Variants in ANAPC16 observed in about 807,000 individuals in gnomAD.
The protein encoded by ANAPC16 is anaphase promoting complex subunit 16.
ANAPC16 carries 6 observed loss-of-function variants against 13.1 expected under a neutral mutation model. The ratio of observed to expected loss-of-function variants is 0.46; its 90% CI spans 0.25 to 0.90. ANAPC16 has a LOEUF of 0.90. Ranked by LOEUF, ANAPC16 falls within the 40% of genes least tolerant of loss-of-function variation. ANAPC16 has a pLI of 0.18. For missense variants in ANAPC16, 113 were observed against 131.1 expected (o/e 0.86, Z 0.67); for synonymous variants, 55 against 51.3 (o/e 1.07, Z -0.31).
chr10:72,221,726 ATTTTT>A (rs58310763), intron 1 of ANAPC16, among the ~76,000 whole-genome samples: 8 of 101,072 alleles, frequency 7.9e-5, no homozygotes, highest in Non-Finnish European at 1.7e-4. Context: ...ACCCAGCTAA[ATTTTT>A]TTTTTTTTTT....
rs147994305 is a variant in ANAPC16 at position 72,230,480 on chromosome 10, A to C, written c.217+40A>C. On this transcript the variant is annotated intron_variant, in intron 3 of 3. Transcript: ENST00000299381. ...GTTGCGTACTTGACTGTGAGAATAA[A>C]TTTGCTAGGGGGTGGATGAGGCTGT... 5.7e-6 allele frequency: 9 copies of C among 1,565,466 alleles called. No individual in the cohort carries two copies. The African/African-American group carries it at 1.2e-4, about 21-fold the overall frequency.
chr10:72,223,801 G>A, intron 1 of ANAPC16, 87 bp from the exon 2 acceptor site: 2 of 1,087,648 alleles, frequency 1.8e-6, no homozygotes, highest in Non-Finnish European at 2.6e-6. Context: ...TTACAAAACT[G>A]TATGCTGGCC....
intron 2 of ANAPC16, among the ~76,000 whole-genome samples, chr10:72,228,533 T>A (rs2133686650): frequency 6.6e-6 from 1 of 152,354 alleles, no homozygotes; most frequent in East Asian, 1.9e-4. Flanking sequence ...TGACCTGTGC[T>A]TGTCCCTGAC....
rs1397912242 is a variant in ANAPC16, at chr10:72,223,941, A to G, written c.27A>G (p.Ser9=). The G allele has an allele frequency of 3.8e-5, 61 of 1,607,688 alleles. No individual in the cohort carries two copies. Among genetic ancestry groups the G allele is most frequent in the Non-Finnish European group, 4.9e-5 (58 of 1,175,206 alleles). ...TGGCTGCTTCATCATCATCCTCCTC[A>G]GCTGGTGGGGTCAGTGGAAGTTCTG... The part of the protein sequence containing the change: MAASSSSS[S]AGGVSGSSVT... The change falls in exon 2 of 4, where the codon TCA becomes TCG. Residue 9 remains serine, a synonymous_variant. Coordinates refer to ENST00000299381, the MANE Select transcript of ANAPC16 (RefSeq NM_173473.4).
chr10:72,222,654 G>C (rs938387261), intron 1 of ANAPC16, among the ~76,000 whole-genome samples: 1 of 152,084 alleles, frequency 6.6e-6, no homozygotes, highest in African/African-American at 2.4e-5. Context: ...GCTCATGCCT[G>C]TAATTCCAGC....
At chr10:72,218,771 C>T (rs1041840994) in intron 1 of ANAPC16, among the ~76,000 whole-genome samples, 5 of 152,196 alleles carry the variant, frequency 3.3e-5, no homozygotes, top group African/African-American at 1.2e-4. Flanking sequence ...TAACCTAAAT[C>T]TTTAGAGCTA....
intron 2 of ANAPC16, among the ~76,000 whole-genome samples, chr10:72,224,373 G>A (rs895205961): frequency 6.6e-5 from 10 of 152,172 alleles, no homozygotes; most frequent in African/African-American, 1.9e-4. Flanking sequence ...AGCACTTTGG[G>A]AGACTGAGGC....
chr10:72,229,103 A>G (rs1223368796), intron 2 of ANAPC16, among the ~76,000 whole-genome samples: 1 of 151,942 alleles, frequency 6.6e-6, no homozygotes, highest in Non-Finnish European at 1.5e-5. Context: ...TAGGATAATG[A>G]CTGCTGACAT....
chr10:72,231,807 G>A (rs1413420176), intron 3 of ANAPC16, among the ~76,000 whole-genome samples: 1 of 151,858 alleles, frequency 6.6e-6, no homozygotes, highest in Non-Finnish European at 1.5e-5. Context: ...CGCCTGCCTT[G>A]GCATCCCAAA....
At chr10:72,218,159 AAAAAAAATATATAT>A (rs1362858036) in intron 1 of ANAPC16, among the ~76,000 whole-genome samples, 48 of 45,696 alleles carry the variant, frequency 1.1e-3, no homozygotes, top group Non-Finnish European at 1.5e-3. Context: ...AAAAAAAAAA[AAAAAAAATATATAT>A]ATATATATAT....
At chr10:72,217,045 GT>G in intron 1 of ANAPC16, 1 of 454,246 alleles carries the variant, frequency 2.2e-6, no homozygotes, top group Non-Finnish European at 4.4e-6. Context: ...TCTGTCGTTT[GT>G]TCATCATTCA....
chr10:72,230,334 C>G, intron 2 of ANAPC16, 32 bp from the exon 3 acceptor site: 1 of 1,562,610 alleles, frequency 6.4e-7, no homozygotes, highest in South Asian at 1.1e-5. Flanking sequence ...ACCTTTAGAG[C>G]AGATTAAAAC....
chr10:72,230,584 A>G (rs577525278), intron 3 of ANAPC16, 144 bp downstream of exon 3: 1 of 690,362 alleles, frequency 1.4e-6, no homozygotes, highest in African/African-American at 1.8e-5. Flanking sequence ...TAATCTAGTC[A>G]TAATGTCCAC....
intron 2 of ANAPC16, among the ~76,000 whole-genome samples, chr10:72,225,404 A>G (rs1860088701): frequency 6.6e-6 from 1 of 152,094 alleles, no homozygotes; most frequent in Non-Finnish European, 1.5e-5. Flanking sequence ...CTTCTCATGA[A>G]GGCAGTCTTC....
At chr10:72,223,762 A>C (rs1860027214) in intron 1 of ANAPC16, 126 bp from the exon 2 acceptor site, 1 of 638,670 alleles carries the variant, frequency 1.6e-6, no homozygotes, top group Admixed American at 3.6e-5. Flanking sequence ...GTGAAAGTAG[A>C]GAGCATAGAA....
At chr10:72,230,950 C>T (rs1302248177) in intron 3 of ANAPC16, among the ~76,000 whole-genome samples, 7 of 152,114 alleles carry the variant, frequency 4.6e-5, no homozygotes, top group African/African-American at 1.7e-4. Context: ...GTTACTTTTT[C>T]CTCTCCTGTC....
intron 2 of ANAPC16, among the ~76,000 whole-genome samples, chr10:72,228,787 CT>C (rs1480895577): frequency 6.6e-6 from 1 of 152,182 alleles, no homozygotes; most frequent in Non-Finnish European, 1.5e-5. Flanking sequence ...GCAGAGGTTC[CT>C]TTTTGAAAGT....
intron 1 of ANAPC16, among the ~76,000 whole-genome samples, chr10:72,218,168 ATATATATAT>A (rs1859720357): frequency 8.1e-4 from 16 of 19,734 alleles, no homozygotes; most frequent in African/African-American, 3.1e-3. Flanking sequence ...AAAAAAAAAT[ATATATATAT>A]ATATATATAT....
In ANAPC16 at chr10:72,235,159, AAAAAT is replaced by A. The variant is rs1860434677; in HGVS notation, c.*2047_*2051del. ...GAGCGAGACTCTGTCTCAAAAAAAA[AAAAAT>A]AAAGCCGGGCGTGGTGGCTCACGCC... is the stretch of plus-strand genomic sequence containing the variant. On this transcript the variant is annotated 3_prime_UTR_variant, in exon 4 of 4. Transcript: ENST00000299381. The A allele has an allele frequency of 6.6e-6, 1 of 151,818 alleles. No homozygotes were observed. Among genetic ancestry groups the A allele is most frequent in the Non-Finnish European group, 1.5e-5 (1 of 68,004 alleles). 9.4% of individuals were successfully genotyped at this position (151,818 alleles called of 1,614,324 possible). A position where few individuals can be genotyped will look rare whatever the true frequency, so the allele number is the denominator to read the frequency against.
Sources: allele counts gnomAD v4.1 joint callset (sites outside exome capture counted in the v4.1 genomes callset), GRCh38; gene constraint gnomAD v4.1.1; transcripts MANE v1.5; gene names NCBI Gene and HGNC (gene_info 2026-07-23, HGNC 2026-07-21).